The following TESK2 variants were observed in gnomAD, a reference collection of about 807,000 sequenced individuals.
TESK2 encodes the protein testis associated actin remodelling kinase 2.
TESK2 carries 39 observed loss-of-function variants against 57.1 expected under a neutral mutation model. The observed-to-expected ratio is 0.68, with a 90% confidence interval of 0.53 to 0.89. The LOEUF is 0.89. Ranked by LOEUF, TESK2 falls within the 40% of genes least tolerant of loss-of-function variation. The pLI, the probability that TESK2 is intolerant of heterozygous loss-of-function variation, is 0.00. For synonymous variants in TESK2, 249 were observed against 267.9 expected, an observed-to-expected ratio of 0.93 and a Z score of 0.69; for missense variants, 646 against 732.1, an observed-to-expected ratio of 0.88 and a Z score of 1.36.
At chr1:45,430,411 A>T (rs1650901477) in intron 2 of TESK2, among the ~76,000 whole-genome samples, 1 of 152,196 alleles carries the variant, frequency 6.6e-6, no homozygotes. Context: ...GGATCGCTTG[A>T]GCCCAGGAGA....
intron 4 of TESK2, among the ~76,000 whole-genome samples, chr1:45,366,666 T>C (rs1014641532): frequency 6.6e-6 from 1 of 152,142 alleles, no homozygotes; most frequent in Non-Finnish European, 1.5e-5. Flanking sequence ...AGTGAAATTG[T>C]TGAACAAACA....
At chr1:45,358,325 A>AT in intron 4 of TESK2, among the ~76,000 whole-genome samples, 1 of 151,780 alleles carries the variant, frequency 6.6e-6, no homozygotes, top group East Asian at 1.9e-4. Flanking sequence ...AAAAAAAAAA[A>AT]AATTAGCTGG....
chr1:45,405,657 T>C (rs1649812167), intron 3 of TESK2, among the ~76,000 whole-genome samples: 1 of 149,578 alleles, frequency 6.7e-6, no homozygotes, highest in Admixed American at 6.7e-5. Flanking sequence ...TATCTATATA[T>C]AGATATATAT....
chr1:45,417,893 C>T (rs1771550), intron 3 of TESK2, among the ~76,000 whole-genome samples: 100,037 of 152,146 alleles, frequency 0.66, 34,398 homozygotes, highest in Non-Finnish European at 0.76. Flanking sequence ...ACCCAGCATA[C>T]ATTTTCTTTT....
chr1:45,403,847 T>A (rs552213188), intron 3 of TESK2, among the ~76,000 whole-genome samples: 3 of 150,516 alleles, frequency 2.0e-5, no homozygotes, highest in South Asian at 4.2e-4. Flanking sequence ...TTAACAAAAA[T>A]TTTAAATCAC....
chr1:45,476,206 TTAAA>T (rs1240334514), intron 1 of TESK2, among the ~76,000 whole-genome samples: 29 of 152,090 alleles, frequency 1.9e-4, no homozygotes, highest in African/African-American at 5.3e-4. Context: ...TAGAGATAGA[TTAAA>T]TAAATTACAG....
At chr1:45,431,346 A>G (rs1053167363) in intron 2 of TESK2, among the ~76,000 whole-genome samples, 1 of 152,050 alleles carries the variant, frequency 6.6e-6, no homozygotes, top group African/African-American at 2.4e-5. Context: ...TGAACCCGGG[A>G]GACGGAGGTT....
chr1:45,409,328 G>A (rs1649955982), intron 3 of TESK2, among the ~76,000 whole-genome samples: 1 of 152,124 alleles, frequency 6.6e-6, no homozygotes, highest in African/African-American at 2.4e-5. Context: ...ATATGATTCT[G>A]GAATAAAGTA....
At chr1:45,371,723 C>A (rs1456988805) in intron 4 of TESK2, among the ~76,000 whole-genome samples, 1 of 151,540 alleles carries the variant, frequency 6.6e-6, no homozygotes, top group African/African-American at 2.4e-5. Flanking sequence ...AAAAAATTAG[C>A]TGGGCATGGT....
At chr1:45,457,465 T>G in intron 2 of TESK2, 99 bp downstream of exon 2, 9 of 1,114,174 alleles carry the variant, frequency 8.1e-6, no homozygotes, top group Non-Finnish European at 1.2e-5. Context: ...CACAGCACCT[T>G]TATTAGGCAA....
intron 2 of TESK2, among the ~76,000 whole-genome samples, chr1:45,443,193 T>C (rs763720507): frequency 2.0e-5 from 3 of 152,100 alleles, no homozygotes; most frequent in Non-Finnish European, 2.9e-5. Context: ...CGTGAACCAC[T>C]GTGCCCGGCC....
At chr1:45,482,439 G>A (rs1280916664) in intron 1 of TESK2, among the ~76,000 whole-genome samples, 1 of 151,896 alleles carries the variant, frequency 6.6e-6, no homozygotes, top group Non-Finnish European at 1.5e-5. Flanking sequence ...GAGATGGGAG[G>A]ATGGCTTGAG....
intron 2 of TESK2, among the ~76,000 whole-genome samples, chr1:45,430,522 G>A (rs541409732): frequency 3.3e-5 from 5 of 152,110 alleles, no homozygotes; most frequent in South Asian, 2.1e-4. Flanking sequence ...AAATAGAGTC[G>A]TGAGTAAACC....
intron 3 of TESK2, among the ~76,000 whole-genome samples, chr1:45,402,588 T>C (rs1649673616): frequency 6.6e-6 from 1 of 151,816 alleles, no homozygotes; most frequent in African/African-American, 2.4e-5. Flanking sequence ...GTTCAAGCGA[T>C]TCTCCTGCCT....
At chr1:45,450,411 C>T (rs1418349915) in intron 2 of TESK2, among the ~76,000 whole-genome samples, 3 of 152,092 alleles carry the variant, frequency 2.0e-5, no homozygotes, top group Non-Finnish European at 2.9e-5. Context: ...ACTTGGGAGG[C>T]TGAGGCAGGA....
chr1:45,391,052 G>A (rs911408993), intron 3 of TESK2, among the ~76,000 whole-genome samples: 3 of 151,634 alleles, frequency 2.0e-5, no homozygotes, highest in African/African-American at 7.3e-5. Flanking sequence ...CGAGTAGCTG[G>A]AACTATAGGC....
intron 3 of TESK2, among the ~76,000 whole-genome samples, chr1:45,410,765 A>T (rs1282379630): frequency 2.0e-5 from 3 of 150,580 alleles, no homozygotes; most frequent in Non-Finnish European, 4.4e-5. Flanking sequence ...TATTTATTTT[A>T]TTTTTTATTT....
intron 4 of TESK2, among the ~76,000 whole-genome samples, chr1:45,381,768 A>C (rs1280957448): frequency 1.3e-5 from 2 of 152,062 alleles, no homozygotes; most frequent in African/African-American, 2.4e-5. Flanking sequence ...TAAAAAAAAA[A>C]CAAAGATTTA....
chr1:45,490,593 T>C (rs1010513735), intron 1 of TESK2, among the ~76,000 whole-genome samples: 1 of 151,758 alleles, frequency 6.6e-6, no homozygotes, highest in African/African-American at 2.4e-5. Context: ...GCGAGCGAGG[T>C]AACTTCTAAT....
Sources: gnomAD v4.1 joint callset for allele counts (sites outside exome capture counted in the v4.1 genomes callset) on GRCh38, gnomAD v4.1.1 for gene constraint, MANE v1.5 for transcripts, NCBI Gene and HGNC (gene_info 2026-07-23, HGNC 2026-07-21) for gene names.